TBC1D5: variants seen among roughly 807,000 people sequenced by gnomAD.
The protein encoded by TBC1D5 is TBC1 domain family, member 5.
Under a neutral mutation model 100.3 loss-of-function variants are expected in TBC1D5, and 75 were observed. The observed-to-expected ratio is 0.75, with a 90% CI of 0.62 to 0.91. The LOEUF (loss-of-function observed/expected upper bound fraction) is 0.91. Ranked by LOEUF, TBC1D5 falls within the 40% of genes least tolerant of loss-of-function variation. The pLI is 0.00. For synonymous variants in TBC1D5, 323 were observed against 325.6 expected (o/e 0.99, Z 0.09); for missense variants, 910 against 942.4 (o/e 0.97, Z 0.45).
At chr3:17,174,277 C>T (rs1232227877) in intron 19 of TBC1D5, among the ~76,000 whole-genome samples, 1 of 151,910 alleles carries the variant, frequency 6.6e-6, no homozygotes, top group Non-Finnish European at 1.5e-5. Flanking sequence ...CTACCTGGCA[C>T]CAAAGGTGCC....
At chr3:17,274,303 A>C (rs1442119188) in intron 15 of TBC1D5, among the ~76,000 whole-genome samples, 2 of 152,174 alleles carry the variant, frequency 1.3e-5, no homozygotes, top group Non-Finnish European at 2.9e-5. Flanking sequence ...TATATGCTGA[A>C]ATTTTTTAGT....
At chr3:17,158,811 G>A (rs1007259049) in exon 22 of TBC1D5, 1 of 152,232 alleles carries the variant, frequency 6.6e-6, no homozygotes, top group Non-Finnish European at 1.5e-5. Flanking sequence ...CTAGGGCAAA[G>A]GAAATACTAG....
chr3:17,713,181 CAG>C (rs1289882145), intron 1 of TBC1D5, among the ~76,000 whole-genome samples: 1 of 151,442 alleles, frequency 6.6e-6, no homozygotes, highest in African/African-American at 2.4e-5. Context: ...TAAATAACAA[CAG>C]AAAAAATAGA....
At chr3:17,643,105 C>T (rs2064684914) in intron 1 of TBC1D5, among the ~76,000 whole-genome samples, 1 of 151,982 alleles carries the variant, frequency 6.6e-6, no homozygotes, top group Non-Finnish European at 1.5e-5. Context: ...TGTCATGTGT[C>T]CTTAGCCTCC....
intron 3 of TBC1D5, among the ~76,000 whole-genome samples, chr3:17,453,472 C>G (rs1284983396): frequency 6.6e-6 from 1 of 151,934 alleles, no homozygotes; most frequent in Non-Finnish European, 1.5e-5. Flanking sequence ...AAAGAAAACA[C>G]TATAACAGAT....
At chr3:17,686,148 CTTCAATCTGGGAAGCTCAAAG>C (rs1453593123) in intron 1 of TBC1D5, among the ~76,000 whole-genome samples, 15 of 152,070 alleles carry the variant, frequency 9.9e-5, no homozygotes, top group Admixed American at 2.6e-4. Context: ...CTAATGCTAT[CTTCAATCTGGGAAGCTCAAAG>C]TCCTTGAAAG....
At chr3:17,678,544 T>A (rs1437652853) in intron 1 of TBC1D5, among the ~76,000 whole-genome samples, 1 of 150,704 alleles carries the variant, frequency 6.6e-6, no homozygotes, top group East Asian at 2.0e-4. Context: ...ACAGAACACA[T>A]CAGAAAAGAC....
intron 2 of TBC1D5, among the ~76,000 whole-genome samples, chr3:17,590,089 C>G (rs553150834): frequency 2.6e-5 from 4 of 152,286 alleles, no homozygotes; most frequent in African/African-American, 9.6e-5. Context: ...TGTTTCTAGA[C>G]CTATAACTAG....
At chr3:17,522,219 A>C (rs2096070959) in intron 2 of TBC1D5, among the ~76,000 whole-genome samples, 2 of 152,106 alleles carry the variant, frequency 1.3e-5, no homozygotes, top group Admixed American at 1.3e-4. Context: ...ATCCACGTTG[A>C]CTGTAATGGT....
At chr3:17,161,216 G>A (rs200175964) in exon 22 of TBC1D5, 1 of 1,614,118 alleles carries the variant, frequency 6.2e-7, no homozygotes, top group Non-Finnish European at 8.5e-7. Context: ...GAAGTCATCG[G>A]AATTCCCTCT....
At chr3:17,233,259 T>C (rs1024049101) in intron 17 of TBC1D5, among the ~76,000 whole-genome samples, 2 of 152,172 alleles carry the variant, frequency 1.3e-5, no homozygotes, top group African/African-American at 2.4e-5. Context: ...AGGTTGTAAT[T>C]ATTTCAGGCA....
chr3:17,437,877 A>T (rs2094566615), intron 3 of TBC1D5, among the ~76,000 whole-genome samples: 1 of 152,200 alleles, frequency 6.6e-6, no homozygotes, highest in African/African-American at 2.4e-5. Flanking sequence ...ATAGAAGGCA[A>T]TTTAATTTGC....
At chr3:17,168,926 A>C (rs568078070) in intron 19 of TBC1D5, among the ~76,000 whole-genome samples, 46 of 152,134 alleles carry the variant, frequency 3.0e-4, no homozygotes, top group African/African-American at 9.6e-4. Flanking sequence ...ACCACTCCTC[A>C]CTTGCTCAAT....
At chr3:17,387,151 C>CTT (rs2093184203) in intron 8 of TBC1D5, among the ~76,000 whole-genome samples, 1 of 151,990 alleles carries the variant, frequency 6.6e-6, no homozygotes, top group African/African-American at 2.4e-5. Flanking sequence ...TAGAGAAAAG[C>CTT]TCTGAAAAAG....
intron 13 of TBC1D5, among the ~76,000 whole-genome samples, chr3:17,349,570 A>G (rs917989169): frequency 6.6e-6 from 1 of 152,172 alleles, no homozygotes; most frequent in Non-Finnish European, 1.5e-5. Flanking sequence ...AGCTTACAAC[A>G]TTGTTCTGTT....
At chr3:17,361,767 T>A (rs2091738670) in intron 13 of TBC1D5, among the ~76,000 whole-genome samples, 1 of 151,816 alleles carries the variant, frequency 6.6e-6, no homozygotes, top group East Asian at 1.9e-4. Context: ...CTTATAGCAA[T>A]AAAAACATAC....
chr3:17,286,257 C>T (rs1559553555), intron 15 of TBC1D5, among the ~76,000 whole-genome samples: 1 of 152,148 alleles, frequency 6.6e-6, no homozygotes, highest in South Asian at 2.1e-4. Flanking sequence ...CAAAATTCAC[C>T]GTTAACTTAA....
chr3:17,163,345 C>T (rs1363628049), intron 21 of TBC1D5, among the ~76,000 whole-genome samples: 2 of 151,182 alleles, frequency 1.3e-5, no homozygotes, highest in African/African-American at 2.4e-5. Context: ...TCACAAGGCA[C>T]AACAAAAGAC....
At chr3:17,324,487 C>CA (rs1056217813) in intron 13 of TBC1D5, among the ~76,000 whole-genome samples, 39 of 151,974 alleles carry the variant, frequency 2.6e-4, no homozygotes, top group African/African-American at 8.4e-4. Flanking sequence ...ACTAAAAATA[C>CA]AAAAAAATTA....
Sources: allele counts gnomAD v4.1 joint callset (sites outside exome capture counted in the v4.1 genomes callset), GRCh38; gene constraint gnomAD v4.1.1; transcripts MANE v1.5; gene names NCBI Gene and HGNC (gene_info 2026-07-23, HGNC 2026-07-21).